HHAT: variants seen among roughly 807,000 people sequenced by gnomAD.
The protein encoded by HHAT is protein-cysteine N-palmitoyltransferase HHAT.
Under a neutral mutation model 70.8 loss-of-function variants are expected in HHAT, and 47 were observed. The observed-to-expected ratio is 0.66, with a 90% CI of 0.53 to 0.85. The LOEUF (loss-of-function observed/expected upper bound fraction) is 0.85. HHAT is among the 40% of genes least tolerant of loss of function. The pLI is 0.00. For synonymous variants in HHAT, 228 were observed against 247.6 expected (o/e 0.92, Z 0.74); for missense variants, 609 against 604.8 (o/e 1.01, Z -0.07).
Position 210,452,047 on chromosome 1 carries a change from G to A in HHAT, c.857-12458G>A, listed in dbSNP as rs149529413. ...TCCCAGAAGGTGTTTAGGACCAGATGAATTTCAGAAGTGCTGTTGTAATTG... is the reference window on the plus strand; with the variant it reads ...TCCCAGAAGGTGTTTAGGACCAGATAAATTTCAGAAGTGCTGTTGTAATTG... On this transcript the variant is annotated intron_variant, in intron 7 of 11. Coordinates refer to ENST00000261458, the MANE Select transcript of HHAT (RefSeq NM_018194.6). 7.8e-3 allele frequency among the ~76,000 whole-genome samples: 1,189 copies of A among 152,278 alleles called. 19 individuals carry two copies. Among genetic ancestry groups the A allele is most frequent in the African/African-American group, 0.026 (1,088 of 41,544 alleles).
In HHAT at chr1:210,550,128, C is replaced by A. The variant is rs1048325179; in HGVS notation, c.1043+36940C>A. Among the ~76,000 whole-genome samples, 11 of 149,256 alleles carry A rather than the reference C, an allele frequency of 7.4e-5. 1 individual carries two copies. Among genetic ancestry groups the A allele is most frequent in the African/African-American group, 2.7e-4 (11 of 40,390 alleles). On this transcript the variant is annotated intron_variant, in intron 9 of 11. Coordinates refer to ENST00000261458, the MANE Select transcript of HHAT (RefSeq NM_018194.6). Reference sequence around the variant, plus strand: ...TCTAAACTCCACTCATCCTTTCATGCCTAGCTTATGTCTCACCTCTTCCCT... The same window carrying A: ...TCTAAACTCCACTCATCCTTTCATGACTAGCTTATGTCTCACCTCTTCCCT...
intron 10 of HHAT, among the ~76,000 whole-genome samples, chr1:210,620,660 G>C (rs1322520925): frequency 6.6e-6 from 1 of 151,974 alleles, no homozygotes. Context: ...TCACCCTGGG[G>C]GATAATCAAG....
chr1:210,374,947 C>G (rs1251419138), intron 3 of HHAT, among the ~76,000 whole-genome samples: 2 of 151,862 alleles, frequency 1.3e-5, no homozygotes, highest in Non-Finnish European at 2.9e-5. Context: ...CCTGCCACCC[C>G]CCAGCAGTTC....
chr1:210,434,405 A>G (rs1420133282), intron 7 of HHAT, among the ~76,000 whole-genome samples: 1 of 151,878 alleles, frequency 6.6e-6, no homozygotes, highest in Non-Finnish European at 1.5e-5. Flanking sequence ...TTCTCTTAAT[A>G]TGCAGGAATG....
At chr1:210,586,440 TA>T (rs1660473924) in intron 9 of HHAT, among the ~76,000 whole-genome samples, 1 of 152,162 alleles carries the variant, frequency 6.6e-6, no homozygotes, top group African/African-American at 2.4e-5. Context: ...ATGCTATCTC[TA>T]AAAATAAAAT....
intron 8 of HHAT, among the ~76,000 whole-genome samples, chr1:210,481,034 G>A (rs1466807249): frequency 6.6e-6 from 1 of 152,080 alleles, no homozygotes; most frequent in Non-Finnish European, 1.5e-5. Flanking sequence ...TCTCCAGCTG[G>A]TAAGACAGAT....
intron 11 of HHAT, among the ~76,000 whole-genome samples, chr1:210,664,144 G>A (rs2148967207): frequency 1.3e-5 from 2 of 152,336 alleles, no homozygotes; most frequent in South Asian, 4.1e-4. Flanking sequence ...TGCTGTTGCT[G>A]TGTATCTTTT....
intron 6 of HHAT, among the ~76,000 whole-genome samples, chr1:210,406,085 C>T (rs929935708): frequency 2.6e-5 from 4 of 152,036 alleles, no homozygotes; most frequent in Non-Finnish European, 4.4e-5. Context: ...AACAGGCCCT[C>T]CAGGAGGAGG....
At chr1:210,609,758 C>G (rs146146533) in intron 10 of HHAT, among the ~76,000 whole-genome samples, 1 of 152,216 alleles carries the variant, frequency 6.6e-6, no homozygotes, top group Admixed American at 6.5e-5. Flanking sequence ...TGAGAACATG[C>G]GGTGCTTGGT....
chr1:210,479,705 C>T (rs893959811), intron 8 of HHAT, among the ~76,000 whole-genome samples: 3 of 152,074 alleles, frequency 2.0e-5, no homozygotes, highest in Non-Finnish European at 2.9e-5. Flanking sequence ...TCAGTGGATA[C>T]CTTGAAAACT....
chr1:210,480,972 G>A (rs2094386916), intron 8 of HHAT, among the ~76,000 whole-genome samples: 1 of 152,114 alleles, frequency 6.6e-6, no homozygotes, highest in South Asian at 2.1e-4. Flanking sequence ...TTTGTGCTGG[G>A]GATATAGTAG....
At chr1:210,501,790 T>C (rs754723945) in intron 8 of HHAT, among the ~76,000 whole-genome samples, 4 of 152,154 alleles carry the variant, frequency 2.6e-5, no homozygotes, top group African/African-American at 4.8e-5. Flanking sequence ...TACAGGCCAG[T>C]GCTTAGAAGG....
chr1:210,511,858 C>T (rs1036853935), intron 8 of HHAT, among the ~76,000 whole-genome samples: 40 of 133,730 alleles, frequency 3.0e-4, no homozygotes, highest in African/African-American at 9.0e-4. Flanking sequence ...GGTGTGATCT[C>T]GGCTCACTGA....
intron 7 of HHAT, among the ~76,000 whole-genome samples, chr1:210,446,557 C>G (rs2093638556): frequency 6.6e-6 from 1 of 152,186 alleles, no homozygotes; most frequent in African/African-American, 2.4e-5. Context: ...TAACAAAACA[C>G]CACGTGGTCC....
chr1:210,652,536 C>A (rs1250742172), intron 11 of HHAT, among the ~76,000 whole-genome samples: 1 of 152,152 alleles, frequency 6.6e-6, no homozygotes, highest in African/African-American at 2.4e-5. Context: ...TAAACTGCTC[C>A]CAGCCAAGCA....
intron 9 of HHAT, among the ~76,000 whole-genome samples, chr1:210,525,065 A>C (rs1005545719): frequency 1.3e-5 from 2 of 151,956 alleles, no homozygotes; most frequent in Non-Finnish European, 2.9e-5. Context: ...ACAAGTACCC[A>C]TCTTGTCTTC....
chr1:210,508,349 A>G (rs1251408007), intron 8 of HHAT, among the ~76,000 whole-genome samples: 1 of 152,186 alleles, frequency 6.6e-6, no homozygotes, highest in Non-Finnish European at 1.5e-5. Context: ...GGTAACATGG[A>G]ACTAGACCTC....
chr1:210,541,158 T>C (rs2095426932), intron 9 of HHAT, among the ~76,000 whole-genome samples: 1 of 141,156 alleles, frequency 7.1e-6, no homozygotes, highest in East Asian at 2.1e-4. Flanking sequence ...GCTTTTTAAA[T>C]GAAAAAATAT....
chr1:210,482,000 C>A (rs2094404470), intron 8 of HHAT, among the ~76,000 whole-genome samples: 1 of 152,076 alleles, frequency 6.6e-6, no homozygotes, highest in Non-Finnish European at 1.5e-5. Flanking sequence ...AGGAGAGTGG[C>A]AGGAGACGAG....
Sources: allele counts gnomAD v4.1 joint callset (sites outside exome capture counted in the v4.1 genomes callset), GRCh38; gene constraint gnomAD v4.1.1; transcripts MANE v1.5; gene names NCBI Gene and HGNC (gene_info 2026-07-23, HGNC 2026-07-21).